Variants in JAKMIP2 observed in about 807,000 individuals in gnomAD.
The protein encoded by JAKMIP2 is janus kinase and microtubule interacting protein 2.
A neutral mutation model predicts 115.0 loss-of-function variants in JAKMIP2; 25 were observed. The observed-to-expected ratio is 0.22, with a 90% CI of 0.16 to 0.30. JAKMIP2 has a LOEUF of 0.30. JAKMIP2 is among the 10% of genes least tolerant of loss of function. JAKMIP2 has a pLI of 1.00. For synonymous variants in JAKMIP2, 334 were observed against 343.6 expected, an observed-to-expected ratio of 0.97 and a Z score of 0.31; for missense variants, 642 against 957.6, an observed-to-expected ratio of 0.67 and a Z score of 4.35.
intron 1 of JAKMIP2, among the ~76,000 whole-genome samples, chr5:147,675,242 A>C (rs1347696764): frequency 6.7e-6 from 1 of 148,626 alleles, no homozygotes; most frequent in Non-Finnish European, 1.5e-5. Context: ...GGAAAAGGAA[A>C]AGGTGAAAAA....
At position 147,589,633 on chromosome 5, in the gene JAKMIP2, T is replaced by C. The variant is rs1755021464; in HGVS notation, c.*2074A>G. On this transcript the variant is annotated 3_prime_UTR_variant, in exon 22 of 22. Transcript: ENST00000616793. ...AAAAGTGGGGTTCTGTATGATGGCATGCATATGCAATCAAGAGAGCTGGGA... is the reference window on the plus strand; with the variant it reads ...AAAAGTGGGGTTCTGTATGATGGCACGCATATGCAATCAAGAGAGCTGGGA... The C allele has an allele frequency of 6.6e-6, 1 of 152,212 alleles. No homozygotes were observed. Among genetic ancestry groups the C allele is most frequent in the Non-Finnish European group, 1.5e-5 (1 of 68,052 alleles). 9.4% of individuals were successfully genotyped at this position (152,212 alleles called of 1,614,324 possible). A position where few individuals can be genotyped will look rare whatever the true frequency, so the allele number is the denominator to read the frequency against.
chr5:147,722,770 T>C (rs1753365433), intron 1 of JAKMIP2, among the ~76,000 whole-genome samples: 1 of 152,218 alleles, frequency 6.6e-6, no homozygotes, highest in Non-Finnish European at 1.5e-5. Context: ...TATCATTTAC[T>C]GTTCTCTTGA....
At chr5:147,636,916 C>T in intron 11 of JAKMIP2, 49 bp downstream of exon 11, 1 of 871,236 alleles carries the variant, frequency 1.1e-6, no homozygotes, top group East Asian at 2.4e-5. Context: ...ACAGGAAGGT[C>T]AGATTGAATT....
intron 1 of JAKMIP2, among the ~76,000 whole-genome samples, chr5:147,709,774 G>A (rs1050427945): frequency 2.0e-5 from 3 of 152,090 alleles, no homozygotes; most frequent in Admixed American, 6.6e-5. Context: ...GCCTAAATCC[G>A]GGAGGCGGAG....
intron 21 of JAKMIP2, among the ~76,000 whole-genome samples, chr5:147,601,397 C>T (rs993298453): frequency 2.4e-4 from 36 of 151,860 alleles, no homozygotes; most frequent in African/African-American, 8.2e-4. Context: ...TCAAGACTAC[C>T]CTGGGCAACA....
chr5:147,593,591 A>G (rs113770517), intron 21 of JAKMIP2, among the ~76,000 whole-genome samples: 1,768 of 152,310 alleles, frequency 0.012, 31 homozygotes, highest in African/African-American at 0.04. Context: ...AAGGGAAGAA[A>G]TGAGAATAAA....
intron 1 of JAKMIP2, among the ~76,000 whole-genome samples, chr5:147,688,757 T>C (rs1760694594): frequency 6.6e-6 from 1 of 152,154 alleles, no homozygotes; most frequent in Non-Finnish European, 1.5e-5. Context: ...GCGTTTCACA[T>C]GGTATGTGTC....
intron 1 of JAKMIP2, among the ~76,000 whole-genome samples, chr5:147,726,492 G>C (rs1753522883): frequency 6.6e-6 from 1 of 152,146 alleles, no homozygotes; most frequent in Admixed American, 6.5e-5. Context: ...TGAATAAATG[G>C]CAAAAATAAC....
chr5:147,640,617 G>T (rs1297214763), intron 9 of JAKMIP2, 87 bp downstream of exon 9: 6 of 1,390,032 alleles, frequency 4.3e-6, no homozygotes, highest in Non-Finnish European at 6.0e-6. Context: ...ATATAAAGGA[G>T]ATGAAAAGTG....
intron 21 of JAKMIP2, among the ~76,000 whole-genome samples, chr5:147,597,399 A>C (rs1232941613): frequency 6.6e-6 from 1 of 152,204 alleles, no homozygotes; most frequent in Non-Finnish European, 1.5e-5. Flanking sequence ...TGGGCTGTCA[A>C]GTTCAAAAAT....
chr5:147,624,590 A>G (rs964740034), intron 16 of JAKMIP2, among the ~76,000 whole-genome samples: 4 of 152,232 alleles, frequency 2.6e-5, no homozygotes, highest in African/African-American at 9.6e-5. Context: ...CCCAGTACTC[A>G]GAATATATGA....
At chr5:147,628,488 T>C (rs73268132) in intron 16 of JAKMIP2, among the ~76,000 whole-genome samples, 9,073 of 152,268 alleles carry the variant, frequency 0.06, 760 homozygotes, top group African/African-American at 0.18. Context: ...TAATGTAATC[T>C]AGAAGGTTTT....
At chr5:147,735,594 A>G (rs1753892688) in intron 1 of JAKMIP2, among the ~76,000 whole-genome samples, 1 of 152,126 alleles carries the variant, frequency 6.6e-6, no homozygotes, top group South Asian at 2.1e-4. Flanking sequence ...CCTACCCTTG[A>G]CACGTGGGGA....
chr5:147,733,564 A>G (rs1753809334), intron 1 of JAKMIP2, among the ~76,000 whole-genome samples: 1 of 152,138 alleles, frequency 6.6e-6, no homozygotes, highest in Non-Finnish European at 1.5e-5. Flanking sequence ...TGCTGCACCC[A>G]TCAACCCATC....
At chr5:147,775,806 TCAAA>T (rs1363240082) in intron 1 of JAKMIP2, among the ~76,000 whole-genome samples, 6 of 152,200 alleles carry the variant, frequency 3.9e-5, no homozygotes, top group Admixed American at 2.6e-4. Context: ...AGCCACTCAG[TCAAA>T]CAGTCTTTAT....
chr5:147,673,438 A>G (rs545426266), intron 1 of JAKMIP2, among the ~76,000 whole-genome samples: 93 of 152,224 alleles, frequency 6.1e-4, no homozygotes, highest in African/African-American at 2.1e-3. Flanking sequence ...TCTAGCACTG[A>G]CAAGCATGCT....
At chr5:147,636,197 C>T (rs369388771) in intron 12 of JAKMIP2, 25 bp downstream of exon 12, 67 of 1,599,320 alleles carry the variant, frequency 4.2e-5, no homozygotes, top group Middle Eastern at 1.7e-4. Context: ...TCCTCTGCCC[C>T]GCTAGGGTGT....
In JAKMIP2 at chr5:147,650,398, G is replaced by A. The variant is rs143207776; in HGVS notation, c.777C>T (p.Ser259=). The part of the protein sequence containing the change: ...FLVKEAECNM[S]SPKREIPGRA... ...TTCCTGGAATTTCTCGTTTTGGGCT[G>A]CTCATGTTGCACTCAGCCTCCTTGA... Residue 259 remains serine, a synonymous_variant, in exon 4 of 22, where the codon AGC becomes AGT. Transcript: ENST00000616793. 4.2e-5 allele frequency: 67 copies of A among 1,613,778 alleles called. No homozygotes were observed. In the East Asian group the frequency reaches 1.3e-3, roughly 31 times the overall value.
chr5:147,623,694 G>C lies in JAKMIP2; in HGVS notation c.1996-5C>G. The C allele has an allele frequency of 6.2e-7, 1 of 1,606,232 alleles. No individual in the cohort carries two copies. The highest frequency in any genetic ancestry group is 8.5e-7 in the Non-Finnish European group (1 of 1,172,848). On this transcript the variant is annotated splice_region_variant and splice_polypyrimidine_tract_variant and intron_variant, in intron 16 of 21. Coordinates refer to ENST00000616793, the MANE Select transcript of JAKMIP2 (RefSeq NM_001270941.2). The stretch of plus-strand genomic sequence containing the variant: ...TCCTTCAATCTGCTGGATCCACTAA[G>C]GGGTTAACAAGACAAAAGTGTTTGA...
Sources: gnomAD v4.1 joint callset for allele counts (sites outside exome capture counted in the v4.1 genomes callset) on GRCh38, gnomAD v4.1.1 for gene constraint, MANE v1.5 for transcripts, NCBI Gene and HGNC (gene_info 2026-07-23, HGNC 2026-07-21) for gene names.